The following DARS1 variants were observed in gnomAD, a reference collection of about 807,000 sequenced individuals.
DARS1 encodes the protein aspartate--tRNA ligase, cytoplasmic.
Under a neutral mutation model 68.8 loss-of-function variants are expected in DARS1, and 51 were observed. The ratio of observed to expected loss-of-function variants is 0.74; its 90% confidence interval spans 0.59 to 0.94. The LOEUF (loss-of-function observed/expected upper bound fraction) is 0.94, where lower values mean the gene tolerates loss of function less well. Among genes scored for constraint, DARS1 ranks in the 40% least tolerant of loss-of-function variants. The pLI is 0.00. For synonymous variants in DARS1, 203 were observed against 190.4 expected, an observed-to-expected ratio of 1.07 and a Z score of -0.55; for missense variants, 607 against 597.3, an observed-to-expected ratio of 1.02 and a Z score of -0.17.
At chr2:135,970,040 G>A (rs191597997) in intron 3 of DARS1, among the ~76,000 whole-genome samples, 31 of 152,136 alleles carry the variant, frequency 2.0e-4, no homozygotes, top group Admixed American at 1.2e-3. Context: ...TTGTGCTTCC[G>A]AACTTTAGAA....
chr2:135,964,006 C>G (rs1375783368), intron 3 of DARS1, among the ~76,000 whole-genome samples: 3 of 152,190 alleles, frequency 2.0e-5, no homozygotes, highest in Non-Finnish European at 4.4e-5. Flanking sequence ...AGTAACACCA[C>G]TACCACTGAC....
At chr2:135,968,439 A>C (rs1682287790) in intron 3 of DARS1, among the ~76,000 whole-genome samples, 2 of 152,130 alleles carry the variant, frequency 1.3e-5, no homozygotes, top group African/African-American at 4.8e-5. Context: ...CCAAAGTTGA[A>C]GGGACACAAC....
chr2:135,912,375 T>G (rs146858904), intron 13 of DARS1, 111 bp downstream of exon 13: 1 of 523,096 alleles, frequency 1.9e-6, no homozygotes, highest in Non-Finnish European at 3.5e-6. Context: ...CGTATGTCTA[T>G]CAAAACTGCA....
chr2:135,967,285 T>C (rs1318126732), intron 3 of DARS1, among the ~76,000 whole-genome samples: 1 of 152,228 alleles, frequency 6.6e-6, no homozygotes, highest in East Asian at 1.9e-4. Flanking sequence ...TTCCACTTAT[T>C]GCTTCCCCTG....
At chr2:135,985,311 G>A in intron 1 of DARS1, 92 bp downstream of exon 1, 1 of 1,508,602 alleles carries the variant, frequency 6.6e-7, no homozygotes, top group Non-Finnish European at 8.8e-7. Context: ...TGCCGACAAG[G>A]ACCTGTAGGG....
At chr2:135,974,444 C>A (rs2104845068) in intron 3 of DARS1, among the ~76,000 whole-genome samples, 1 of 152,292 alleles carries the variant, frequency 6.6e-6, no homozygotes, top group South Asian at 2.1e-4. Context: ...ATGAACCTCT[C>A]TACATATACA....
intron 5 of DARS1, among the ~76,000 whole-genome samples, chr2:135,941,152 A>C (rs1207499284): frequency 6.6e-6 from 1 of 152,222 alleles, no homozygotes; most frequent in African/African-American, 2.4e-5. Context: ...CAGAATTGGA[A>C]AAAACTACTT....
chr2:135,976,351 C>T (rs1027268888), intron 3 of DARS1, among the ~76,000 whole-genome samples: 1 of 152,026 alleles, frequency 6.6e-6, no homozygotes, highest in Non-Finnish European at 1.5e-5. Context: ...TTCCCCAATA[C>T]CCATAAATAA....
At chr2:135,946,376 C>T (rs1311714327) in intron 4 of DARS1, among the ~76,000 whole-genome samples, 1 of 152,140 alleles carries the variant, frequency 6.6e-6, no homozygotes. Context: ...ACCTCACATG[C>T]TATAGGTGAT....
chr2:135,924,165 C>T (rs963217006), intron 8 of DARS1, among the ~76,000 whole-genome samples: 2 of 152,174 alleles, frequency 1.3e-5, no homozygotes, highest in Non-Finnish European at 2.9e-5. Context: ...CCTCACATTA[C>T]AATCATTATC....
intron 7 of DARS1, among the ~76,000 whole-genome samples, chr2:135,925,738 A>G (rs973535524): frequency 6.6e-6 from 1 of 152,138 alleles, no homozygotes; most frequent in Non-Finnish European, 1.5e-5. Context: ...AAAGACTTGC[A>G]TTTTTTTCAC....
chr2:135,920,624 G>A, intron 9 of DARS1, 24 bp from the exon 10 acceptor site: 1 of 1,560,490 alleles, frequency 6.4e-7, no homozygotes, highest in Non-Finnish European at 8.6e-7. Context: ...AAAAGAAATA[G>A]AGAGCAAACA....
At chr2:135,941,705 C>G (rs1409970252) in intron 5 of DARS1, among the ~76,000 whole-genome samples, 1 of 151,410 alleles carries the variant, frequency 6.6e-6, no homozygotes, top group Non-Finnish European at 1.5e-5. Flanking sequence ...AAGAAACTAC[C>G]ATCAGAGTGA....
At chr2:135,984,210 G>C (rs1326635801) in intron 1 of DARS1, among the ~76,000 whole-genome samples, 1 of 152,106 alleles carries the variant, frequency 6.6e-6, no homozygotes, top group East Asian at 1.9e-4. Context: ...GATTCTTCTA[G>C]CTATAAAATG....
intron 2 of DARS1, among the ~76,000 whole-genome samples, chr2:135,983,032 A>G (rs2104852715): frequency 6.6e-6 from 1 of 152,340 alleles, no homozygotes. Context: ...TAAAAGAGGT[A>G]GCTTTATTAA....
intron 10 of DARS1, 138 bp from the exon 11 acceptor site, chr2:135,916,510 T>G: frequency 2.2e-6 from 1 of 446,436 alleles, no homozygotes. Flanking sequence ...TATTAAAGAA[T>G]GAAATTTAAA....
chr2:135,911,383 A>T lies in DARS1; in HGVS notation c.1341T>A (p.Ile447=), dbSNP rs762736269. Reference sequence around the variant, plus strand: ...CCTAAATTATTTTAAGTTGTTTACCAATTCCATGATGTAAAGCTCTCTCTG... The same window carrying T: ...CCTAAATTATTTTAAGTTGTTTACCTATTCCATGATGTAAAGCTCTCTCTG... ...LLTERALHHG[I]DLEKIKAYID... The change falls in exon 14 of 16, where the codon ATT becomes ATA. Residue 447 remains isoleucine, a splice_region_variant and synonymous_variant. Coordinates refer to ENST00000264161, the MANE Select transcript of DARS1 (RefSeq NM_001349.4). The T allele has an allele frequency of 1.1e-6, 1 of 922,934 alleles. No homozygotes were observed. Among genetic ancestry groups the T allele is most frequent in the East Asian group, 2.4e-5 (1 of 41,848 alleles). 57.2% of individuals were successfully genotyped at this position (922,934 alleles called of 1,614,324 possible).
chr2:135,983,150 A>G (rs572756288), intron 2 of DARS1, among the ~76,000 whole-genome samples: 245 of 152,322 alleles, frequency 1.6e-3, no homozygotes, highest in African/African-American at 5.7e-3. Context: ...AAAAAATATA[A>G]TCTACCATTT....
chr2:135,946,167 T>G (rs1044822355), intron 4 of DARS1, among the ~76,000 whole-genome samples: 1 of 152,212 alleles, frequency 6.6e-6, no homozygotes, highest in Non-Finnish European at 1.5e-5. Flanking sequence ...CGTACATTAC[T>G]GCAGTAGAAG....
Sources: gnomAD v4.1 joint callset for allele counts (sites outside exome capture counted in the v4.1 genomes callset) on GRCh38, gnomAD v4.1.1 for gene constraint, MANE v1.5 for transcripts, NCBI Gene and HGNC (gene_info 2026-07-23, HGNC 2026-07-21) for gene names.